The following KCNC2 variants were observed in gnomAD, a reference collection of about 807,000 sequenced individuals.
KCNC2 encodes potassium voltage-gated channel subfamily C member 2.
In KCNC2, 21 loss-of-function variants were observed where a neutral mutation model predicts 44.5. That is an observed-to-expected ratio of 0.47 (90% CI 0.33 to 0.68). The LOEUF (loss-of-function observed/expected upper bound fraction) is 0.68. KCNC2 is among the 30% of genes least tolerant of loss of function. The pLI is 0.01. For synonymous variants in KCNC2, 391 were observed against 339.1 expected, an observed-to-expected ratio of 1.15 and a Z score of -1.68; for missense variants, 589 against 826.2, an observed-to-expected ratio of 0.71 and a Z score of 3.52.
intron 2 of KCNC2, among the ~76,000 whole-genome samples, chr12:75,172,059 C>A (rs891594786): frequency 1.3e-5 from 2 of 151,716 alleles, no homozygotes; most frequent in African/African-American, 4.8e-5. Context: ...CCCACCCTCA[C>A]CCCCCAAAGA....
intron 2 of KCNC2, among the ~76,000 whole-genome samples, chr12:75,137,754 C>T (rs1889337810): frequency 6.6e-6 from 1 of 152,150 alleles, no homozygotes; most frequent in South Asian, 2.1e-4. Context: ...CTTAGATTCC[C>T]TTTCTCAGTT....
At chr12:75,119,757 A>G (rs943308850) in intron 2 of KCNC2, among the ~76,000 whole-genome samples, 2 of 152,210 alleles carry the variant, frequency 1.3e-5, no homozygotes, top group East Asian at 3.8e-4. Context: ...TTCCTCATAT[A>G]TAAAATGGTA....
chr12:75,081,798 C>A (rs1333648732), intron 2 of KCNC2, among the ~76,000 whole-genome samples: 1 of 152,012 alleles, frequency 6.6e-6, no homozygotes. Flanking sequence ...TGATGAACAT[C>A]TGCTACGTTT....
At chr12:75,198,041 A>G (rs1407932133) in intron 2 of KCNC2, among the ~76,000 whole-genome samples, 1 of 151,998 alleles carries the variant, frequency 6.6e-6, no homozygotes, top group Non-Finnish European at 1.5e-5. Context: ...CAGTAAATTT[A>G]TAGAAAACAT....
In KCNC2 at chr12:75,207,904, T is replaced by C. The variant is rs181920551; in HGVS notation, c.80A>G (p.Lys27Arg). ...TRHETYRSTL[K>R]TLPGTRLALL... The stretch of plus-strand genomic sequence containing the variant: ...GGCCAGGCGTGTTCCAGGCAGGGTC[T>C]TGAGGGTGCTGCGGTAGGTTTCGTG... Residue 27 changes from lysine to arginine, a missense_variant, in exon 2 of 5, where the codon AAG becomes AGG. Coordinates refer to ENST00000549446, the MANE Select transcript of KCNC2 (RefSeq NM_139137.4). The surrounding 1 kb of genome is among the most constrained non-coding windows in gnomAD (Gnocchi z 4.1). 1.9e-5 allele frequency: 31 copies of C among 1,612,824 alleles called. No homozygotes were observed. Among genetic ancestry groups the C allele is most frequent in the Admixed American group, 3.3e-5 (2 of 59,994 alleles).
chr12:75,069,751 T>C (rs991862676), intron 2 of KCNC2, among the ~76,000 whole-genome samples: 1 of 152,200 alleles, frequency 6.6e-6, no homozygotes, highest in African/African-American at 2.4e-5. Flanking sequence ...GATCTAAGCA[T>C]ACAAACTTTG....
At chr12:75,074,232 A>ATTTTTTTT (rs5799196) in intron 2 of KCNC2, among the ~76,000 whole-genome samples, 1 of 94,832 alleles carries the variant, frequency 1.1e-5, no homozygotes, top group African/African-American at 4.0e-5. Context: ...CTACTCATAG[A>ATTTTTTTT]TTTTTTTTTT....
At chr12:75,199,061 G>T (rs990967741) in intron 2 of KCNC2, among the ~76,000 whole-genome samples, 1 of 151,766 alleles carries the variant, frequency 6.6e-6, no homozygotes, top group Admixed American at 6.6e-5. Context: ...TAAAATAAGA[G>T]AATTTATGCA....
chr12:75,065,778 A>G (rs1882772072), intron 2 of KCNC2, among the ~76,000 whole-genome samples: 1 of 152,130 alleles, frequency 6.6e-6, no homozygotes, highest in South Asian at 2.1e-4. Flanking sequence ...TGCATTTCTC[A>G]AACCCTATCC....
At chr12:75,138,979 T>TAAAAAAAAAAAAAAAAAAAAAAAAAAAA (rs373729570) in intron 2 of KCNC2, among the ~76,000 whole-genome samples, 6 of 77,934 alleles carry the variant, frequency 7.7e-5, no homozygotes, top group Admixed American at 1.3e-4. Context: ...AGACTCCGTG[T>TAAAAAAAAAAAAAAAAAAAAAAAAAAAA]AAAAAAAAAA....
At chr12:75,129,637 A>G (rs530122297) in intron 2 of KCNC2, among the ~76,000 whole-genome samples, 1 of 152,318 alleles carries the variant, frequency 6.6e-6, no homozygotes, top group South Asian at 2.1e-4. Flanking sequence ...GAGATGAGAA[A>G]GTAGAAACTG....
chr12:75,075,659 C>T (rs534264427), intron 2 of KCNC2, among the ~76,000 whole-genome samples: 50 of 151,758 alleles, frequency 3.3e-4, no homozygotes, highest in Non-Finnish European at 6.5e-4. Context: ...ATCTTAGAAC[C>T]TTGGACTTAA....
chr12:75,043,487 A>T (rs1880152306), intron 4 of KCNC2: 2 of 1,287,884 alleles, frequency 1.6e-6, no homozygotes, highest in Non-Finnish European at 1.0e-6. Flanking sequence ...TTTTTCCCAG[A>T]TTATAGTTAG....
intron 2 of KCNC2, among the ~76,000 whole-genome samples, chr12:75,141,996 A>G (rs1047773112): frequency 2.0e-5 from 3 of 152,124 alleles, no homozygotes; most frequent in African/African-American, 7.2e-5. Context: ...GGTCTTAGAG[A>G]GGTTAAGTGA....
At chr12:75,091,592 A>G (rs1885481477) in intron 2 of KCNC2, among the ~76,000 whole-genome samples, 1 of 151,760 alleles carries the variant, frequency 6.6e-6, no homozygotes, top group Non-Finnish European at 1.5e-5. Context: ...TGTTGCTCTA[A>G]TTAGAAAGTC....
At chr12:75,185,516 C>G (rs997360614) in intron 2 of KCNC2, among the ~76,000 whole-genome samples, 9 of 151,978 alleles carry the variant, frequency 5.9e-5, no homozygotes, top group Middle Eastern at 3.4e-3. Flanking sequence ...TATCCTCTTC[C>G]TTCTCTTTTC....
chr12:75,101,966 T>C (rs867650890), intron 2 of KCNC2, among the ~76,000 whole-genome samples: 15 of 151,768 alleles, frequency 9.9e-5, no homozygotes, highest in African/African-American at 3.1e-4. Flanking sequence ...CATAATCAAA[T>C]GGGAAATAAT....
intron 3 of KCNC2, among the ~76,000 whole-genome samples, chr12:75,048,597 A>G (rs569491014): frequency 3.5e-4 from 53 of 152,284 alleles, no homozygotes; most frequent in African/African-American, 1.3e-3. Flanking sequence ...TATGAATTCA[A>G]AATAAATGTG....
intron 4 of KCNC2, among the ~76,000 whole-genome samples, chr12:75,047,823 A>T (rs1017812165): frequency 6.6e-6 from 1 of 152,146 alleles, no homozygotes; most frequent in African/African-American, 2.4e-5. Context: ...GTGAGAAAAG[A>T]TAACTTTTAA....
Sources: gnomAD v4.1 joint callset for allele counts (sites outside exome capture counted in the v4.1 genomes callset) on GRCh38, gnomAD v4.1.1 for gene constraint, Gnocchi (gnomAD v3.1) non-coding constraint, MANE v1.5 for transcripts, NCBI Gene and HGNC (gene_info 2026-07-23, HGNC 2026-07-21) for gene names.